Variants in CHN2 observed in about 807,000 individuals in gnomAD.
The protein encoded by CHN2 is beta-chimaerin.
CHN2 carries 35 observed loss-of-function variants against 56.3 expected under a neutral mutation model. The ratio of observed to expected loss-of-function variants is 0.62; its 90% CI spans 0.47 to 0.82. The LOEUF (loss-of-function observed/expected upper bound fraction) is 0.82, where lower values mean the gene tolerates loss of function less well. CHN2 is among the 40% of genes least tolerant of loss of function. The pLI is 0.00. For synonymous variants in CHN2, 210 were observed against 212.8 expected, an observed-to-expected ratio of 0.99 and a Z score of 0.12; for missense variants, 491 against 580.5, an observed-to-expected ratio of 0.85 and a Z score of 1.58.
intron 1 of CHN2, among the ~76,000 whole-genome samples, chr7:29,264,937 A>T (rs1342353238): frequency 1.3e-5 from 2 of 150,372 alleles, no homozygotes; most frequent in East Asian, 2.0e-4. Flanking sequence ...GAGATCTGTT[A>T]TTTCTTAGCA....
intron 6 of CHN2, among the ~76,000 whole-genome samples, chr7:29,410,258 G>T (rs955262067): frequency 2.6e-5 from 4 of 151,942 alleles, no homozygotes; most frequent in African/African-American, 7.3e-5. Context: ...GAACAGTGTT[G>T]GTAGATTTAG....
chr7:29,310,238 G>A (rs1794489012), intron 1 of CHN2, among the ~76,000 whole-genome samples: 2 of 152,146 alleles, frequency 1.3e-5, no homozygotes, highest in African/African-American at 4.8e-5. Context: ...ATTCACATAA[G>A]GGAGGAGATA....
chr7:29,487,591 G>A (rs1788169134), intron 7 of CHN2, among the ~76,000 whole-genome samples: 1 of 152,096 alleles, frequency 6.6e-6, no homozygotes, highest in African/African-American at 2.4e-5. Flanking sequence ...CTCAGGGACG[G>A]GTGGAAACAG....
At chr7:29,481,286 T>A (rs1475429562) in intron 7 of CHN2, among the ~76,000 whole-genome samples, 2 of 152,208 alleles carry the variant, frequency 1.3e-5, no homozygotes, top group Non-Finnish European at 2.9e-5. Flanking sequence ...TGCTTTCTTT[T>A]AAAAAAATTC....
At chr7:29,331,415 C>G (rs561156646) in intron 1 of CHN2, among the ~76,000 whole-genome samples, 2 of 152,264 alleles carry the variant, frequency 1.3e-5, no homozygotes, top group East Asian at 3.9e-4. Context: ...AGAAGAGGAA[C>G]TGGGACAGTG....
rs373890497 is a variant in CHN2 at position 29,163,683 on chromosome 7, A to G, written c.274+16723A>G. Among the ~76,000 whole-genome samples, 27 of 152,282 alleles carry G rather than the reference A, an allele frequency of 1.8e-4. No individual in the cohort carries two copies. The East Asian group carries it at 1.9e-3, about 11-fold the overall frequency. On this transcript the variant is annotated intron_variant, in intron 2 of 6. Coordinates refer to the CHN2 transcript ENST00000439384. ...ATAACAAACATTCTCATTGCCCCCA[A>G]AAGTTTCCTCCCTCCTGCCATCTCT... is the stretch of plus-strand genomic sequence containing the variant.
At chr7:29,238,382 C>A (rs765807739) in intron 1 of CHN2, among the ~76,000 whole-genome samples, 2 of 152,108 alleles carry the variant, frequency 1.3e-5, no homozygotes, top group Non-Finnish European at 2.9e-5. Context: ...AATTTCATGT[C>A]ATCAGGCAGA....
intron 6 of CHN2, among the ~76,000 whole-genome samples, chr7:29,455,398 G>C (rs1784676308): frequency 6.6e-6 from 1 of 152,162 alleles, no homozygotes; most frequent in African/African-American, 2.4e-5. Flanking sequence ...AGATCAGCTA[G>C]TCGCGGCACA....
At chr7:29,329,841 T>C (rs563657718) in intron 1 of CHN2, among the ~76,000 whole-genome samples, 1 of 152,330 alleles carries the variant, frequency 6.6e-6, no homozygotes, top group African/African-American at 2.4e-5. Context: ...AAACAGGAAC[T>C]GTGGCTTTTC....
rs191204636 is a variant in CHN2, at chr7:29,403,165, C to T, written c.576+2337C>T. ...GTTAAGTTACTTGGTACGAATCCAT[C>T]CGTTTCTCTCTGACCTATATTGACA... On this transcript the variant is annotated intron_variant, in intron 6 of 12. Transcript: ENST00000222792. Among the ~76,000 whole-genome samples the T allele has an allele frequency of 9.2e-5, 14 of 152,178 alleles. No homozygotes were observed. The East Asian group carries it at 2.3e-3, about 25-fold the overall frequency.
At chr7:29,295,603 T>TCTTC (rs1793086109) in intron 1 of CHN2, among the ~76,000 whole-genome samples, 1 of 151,636 alleles carries the variant, frequency 6.6e-6, no homozygotes, top group Non-Finnish European at 1.5e-5. Flanking sequence ...TTAAAAAAGA[T>TCTTC]GAGAGAGTTA....
intron 1 of CHN2, among the ~76,000 whole-genome samples, chr7:29,218,975 AT>A (rs1242694217): frequency 7.1e-6 from 1 of 141,264 alleles, no homozygotes; most frequent in African/African-American, 2.7e-5. Context: ...TTAAAAAAAA[AT>A]AGAAGGAAAA....
intron 1 of CHN2, among the ~76,000 whole-genome samples, chr7:29,314,823 C>T (rs1338870424): frequency 1.3e-5 from 2 of 151,784 alleles, no homozygotes; most frequent in African/African-American, 2.4e-5. Context: ...GTTTATTTTT[C>T]TAGCGTCTTA....
intron 6 of CHN2, among the ~76,000 whole-genome samples, chr7:29,424,231 A>ATTTT (rs768585074): frequency 0.013 from 1,974 of 152,268 alleles, 14 homozygotes; most frequent in Non-Finnish European, 0.019. Context: ...AGTTCCATGC[A>ATTTT]ACCTCCCACA....
chr7:29,306,587 A>G (rs981412845), intron 1 of CHN2, among the ~76,000 whole-genome samples: 8 of 152,218 alleles, frequency 5.3e-5, no homozygotes, highest in African/African-American at 1.9e-4. Flanking sequence ...GCGATAGAGC[A>G]CATGCTGAAT....
In CHN2 at chr7:29,293,375, C is replaced by G. The variant is rs865934312; in HGVS notation, c.50-61250C>G. Among the ~76,000 whole-genome samples, 149 of 122,812 alleles carry G rather than the reference C, an allele frequency of 1.2e-3. 4 individuals carry two copies. Among genetic ancestry groups the G allele is most frequent in the African/African-American group, 2.8e-3 (96 of 34,290 alleles). The allele number at this position is 122,812 out of a possible 152,430, so 80.6% of individuals were successfully genotyped here. ...AGGGCAGCTAATGCCCCCCCCCCCC[C>G]CCATATTAACTCCAAGGTCCACTCT... On this transcript the variant is annotated intron_variant, in intron 1 of 12. Transcript: ENST00000222792.
At chr7:29,453,706 T>C (rs768040957) in intron 6 of CHN2, among the ~76,000 whole-genome samples, 4 of 152,188 alleles carry the variant, frequency 2.6e-5, no homozygotes, top group Non-Finnish European at 5.9e-5. Flanking sequence ...CCAGGGTTTA[T>C]TAGTGGGTGG....
At chr7:29,197,996 C>T (rs1783880447) in intron 1 of CHN2, 1 of 456,142 alleles carries the variant, frequency 2.2e-6, no homozygotes, top group Non-Finnish European at 4.4e-6. Context: ...AAGTTCATGG[C>T]ATTATTTTGA....
intron 7 of CHN2, among the ~76,000 whole-genome samples, chr7:29,489,089 A>G (rs1407347247): frequency 6.6e-6 from 1 of 152,220 alleles, no homozygotes; most frequent in Non-Finnish European, 1.5e-5. Flanking sequence ...GACAAATAAC[A>G]TCCTGTTCAT....
Sources: gnomAD v4.1 joint callset for allele counts (sites outside exome capture counted in the v4.1 genomes callset) on GRCh38, gnomAD v4.1.1 for gene constraint, MANE v1.5 for transcripts, NCBI Gene and HGNC (gene_info 2026-07-23, HGNC 2026-07-21) for gene names.